GTF2I: variants seen among roughly 807,000 people sequenced by gnomAD.
The protein encoded by GTF2I is general transcription factor IIi.
In GTF2I, 12 loss-of-function variants were observed where a neutral mutation model predicts 67.6. That is an observed-to-expected ratio of 0.18 (90% CI 0.11 to 0.29). The LOEUF (loss-of-function observed/expected upper bound fraction) is 0.29. GTF2I is among the 10% of genes least tolerant of loss of function. The pLI is 1.00. For missense variants in GTF2I, 271 were observed against 580.1 expected (o/e 0.47, Z 5.47); for synonymous variants, 149 against 197.0 (o/e 0.76, Z 2.04).
intron 4 of GTF2I, 35 bp from the exon 5 acceptor site, chr7:74,700,212 T>C: frequency 6.2e-7 from 1 of 1,600,226 alleles, no homozygotes; most frequent in South Asian, 1.1e-5. Flanking sequence ...AATCTTACCA[T>C]TGAATGATGT....
At chr7:74,732,203 T>C (rs587626363) in intron 14 of GTF2I, among the ~76,000 whole-genome samples, 1 of 149,362 alleles carries the variant, frequency 6.7e-6, no homozygotes, top group Non-Finnish European at 1.5e-5. Context: ...GAAACCCCCG[T>C]CTCTACTAAA....
intron 1 of GTF2I, among the ~76,000 whole-genome samples, chr7:74,670,849 C>A (rs1554390386): frequency 6.6e-6 from 1 of 151,990 alleles, no homozygotes; most frequent in African/African-American, 2.4e-5. Flanking sequence ...GGGACACATT[C>A]TTTGTGTATT....
At chr7:74,658,622 G>T (rs1554384833) in intron 1 of GTF2I, among the ~76,000 whole-genome samples, 2 of 150,762 alleles carry the variant, frequency 1.3e-5, no homozygotes, top group East Asian at 2.0e-4. Context: ...CCGGCGCGGG[G>T]GCGGGGCCGC....
chr7:74,661,671 CTG>C (rs1384304542), intron 1 of GTF2I, among the ~76,000 whole-genome samples: 1 of 130,710 alleles, frequency 7.7e-6, no homozygotes, highest in Non-Finnish European at 1.6e-5. Flanking sequence ...CAGAGCGAGA[CTG>C]TGTCTCAAAA....
intron 1 of GTF2I, among the ~76,000 whole-genome samples, chr7:74,664,645 C>G (rs1194966396): frequency 6.6e-6 from 1 of 152,026 alleles, no homozygotes; most frequent in Non-Finnish European, 1.5e-5. Context: ...GTTGGCCAGG[C>G]TGGTCTCAAA....
At chr7:74,693,203 G>A (rs1184920839) in intron 3 of GTF2I, among the ~76,000 whole-genome samples, 3 of 148,804 alleles carry the variant, frequency 2.0e-5, no homozygotes, top group African/African-American at 7.4e-5. Flanking sequence ...GTTGCATTTT[G>A]GTAACTCTTG....
At chr7:74,726,949 A>ATAGATAGATAGTTTTCT (rs1793900256) in intron 12 of GTF2I, 2 of 150,470 alleles carry the variant, frequency 1.3e-5, no homozygotes, top group Non-Finnish European at 1.5e-5. Flanking sequence ...GATAGAAAGA[A>ATAGATAGATAGTTTTCT]TGAGACCCTG....
chr7:74,689,958 C>T lies in GTF2I; in HGVS notation c.99+731C>T, dbSNP rs1788123606. Reference sequence around the variant, plus strand: ...TCTCGAACTCCCGACCTCAGGTGATCCACCCACCTTGGCCTCCCAAAGTGC... The same window carrying T: ...TCTCGAACTCCCGACCTCAGGTGATTCACCCACCTTGGCCTCCCAAAGTGC... On this transcript the variant is annotated intron_variant, in intron 2 of 34. Transcript: ENST00000573035. Among the ~76,000 whole-genome samples the T allele has an allele frequency of 2.0e-5, 3 of 151,960 alleles. No individual in the cohort carries two copies. The South Asian group carries it at 6.2e-4, about 32-fold the overall frequency.
intron 10 of GTF2I, among the ~76,000 whole-genome samples, chr7:74,716,164 C>T (rs777986917): frequency 2.0e-5 from 3 of 151,966 alleles, no homozygotes; most frequent in Admixed American, 6.6e-5. Flanking sequence ...GGGCAGCTTG[C>T]GTTCTTAATC....
Position 74,705,181 on chromosome 7 carries a change from A to G in GTF2I, c.604A>G (p.Thr202Ala), listed in dbSNP as rs1790462810. Reference sequence around the variant, plus strand: ...GTATGTAGGTGGTCGTGTGATGGTAACAGATGCTGACAGGTCAATACTATC... The same window carrying G: ...GTATGTAGGTGGTCGTGTGATGGTAGCAGATGCTGACAGGTCAATACTATC... ...KKHVGGRVMV[T>A]DADRSILSPG... is the part of the protein sequence containing the mutation. The change falls in exon 7 of 35, where the codon ACA becomes GCA. Residue 202 changes from threonine (T) to alanine (A), a missense_variant. Around this residue, in one of 9 missense-constraint regions of GTF2I, gnomAD observed 124 missense variants for 147.0 expected, o/e 0.84. Coordinates refer to ENST00000573035, the MANE Select transcript of GTF2I (RefSeq NM_032999.4). The G allele has an allele frequency of 3.7e-6, 6 of 1,606,048 alleles. No individual in the cohort carries two copies. Among genetic ancestry groups the G allele is most frequent in the South Asian group, 1.1e-5 (1 of 90,906 alleles).
At chr7:74,696,162 A>G (rs1554398306) in intron 3 of GTF2I, among the ~76,000 whole-genome samples, 1 of 148,024 alleles carries the variant, frequency 6.8e-6, no homozygotes, top group African/African-American at 2.5e-5. Flanking sequence ...TTGTATTTTT[A>G]GTAGAGATGG....
rs782791709 is a variant in GTF2I, at chr7:74,706,379, TCTC to T, written c.642-8_642-6del. On this transcript the variant is annotated splice_region_variant and splice_polypyrimidine_tract_variant and intron_variant, in intron 7 of 34. Coordinates refer to ENST00000573035, the MANE Select transcript of GTF2I (RefSeq NM_032999.4). ...GCACGTGGCTTGATCAGGGCTTTCTTCTCCTTGCAGTTGTGGCCCCATCAAAGT... is the reference window on the plus strand; with the variant it reads ...GCACGTGGCTTGATCAGGGCTTTCTTCTTGCAGTTGTGGCCCCATCAAAGT... 1.2e-6 allele frequency: 2 copies of T among 1,613,088 alleles called. No individual in the cohort carries two copies. The highest frequency in any genetic ancestry group is 1.7e-6 in the Non-Finnish European group (2 of 1,179,142).
rs192924294 is a variant in GTF2I at position 74,673,451 on chromosome 7, A to G, written c.-6+15383A>G. 1.4e-3 allele frequency among the ~76,000 whole-genome samples: 215 copies of G among 151,738 alleles called. 2 individuals are homozygous for G. Among genetic ancestry groups the G allele is most frequent in the Non-Finnish European group, 2.8e-3 (190 of 67,886 alleles). On this transcript the variant is annotated intron_variant, in intron 1 of 34. Transcript: ENST00000573035. ...GAGTGCAATGGTGTGATCTGACCTC[A>G]GCTCACTGCAACCTCTGCCCCTCAG... is the stretch of plus-strand genomic sequence containing the variant.
intron 1 of GTF2I, among the ~76,000 whole-genome samples, chr7:74,680,099 A>AATATATATATATATATATATAT (rs1554393663): frequency 8.4e-5 from 8 of 94,966 alleles, no homozygotes; most frequent in Admixed American, 1.3e-4. Flanking sequence ...AAAAAAAAAA[A>AATATATATATATATATATATAT]ATATATATAT....
intron 1 of GTF2I, among the ~76,000 whole-genome samples, chr7:74,687,712 A>G (rs1027403218): frequency 6.6e-6 from 1 of 152,228 alleles, no homozygotes; most frequent in African/African-American, 2.4e-5. Context: ...TAGGCATAAC[A>G]GTTTTCTGCT....
intron 1 of GTF2I, among the ~76,000 whole-genome samples, chr7:74,676,992 G>A (rs1554392581): frequency 6.6e-6 from 1 of 152,044 alleles, no homozygotes; most frequent in Non-Finnish European, 1.5e-5. Flanking sequence ...CCAAGAGGTG[G>A]AGGTTGCAGT....
At chr7:74,706,701 T>C (rs1790750051) in intron 8 of GTF2I, among the ~76,000 whole-genome samples, 1 of 152,178 alleles carries the variant, frequency 6.6e-6, no homozygotes, top group Non-Finnish European at 1.5e-5. Flanking sequence ...TACAGACATA[T>C]AATGTAAGAG....
chr7:74,671,697 G>A (rs1375287801), intron 1 of GTF2I, among the ~76,000 whole-genome samples: 2 of 151,996 alleles, frequency 1.3e-5, no homozygotes, highest in East Asian at 3.8e-4. Flanking sequence ...AAATTTCACA[G>A]CCGGCTGGCC....
Position 74,705,110 on chromosome 7 carries a change from T to C in GTF2I, c.587-54T>C. 4 of 1,031,944 alleles carry C rather than the reference T, an allele frequency of 3.9e-6. No homozygotes were observed. The Middle Eastern group carries it at 8.0e-4, about 207-fold the overall frequency. The allele number at this position is 1,031,944 out of a possible 1,614,324, so 63.9% of individuals were successfully genotyped here. The stretch of plus-strand genomic sequence containing the variant: ...ATTCTATATTTAAAGCCTTTAGACA[T>C]ATTATATTTGAAATGTTGAAAAACT... On this transcript the variant is annotated intron_variant, in intron 6 of 34. Coordinates refer to ENST00000573035, the MANE Select transcript of GTF2I (RefSeq NM_032999.4).
Sources: gnomAD v4.1 joint callset for allele counts (sites outside exome capture counted in the v4.1 genomes callset) on GRCh38, gnomAD v4.1.1 for gene constraint, gnomAD v4.1.1 regional missense constraint, MANE v1.5 for transcripts, NCBI Gene and HGNC (gene_info 2026-07-23, HGNC 2026-07-21) for gene names.